Variants in POC5 observed in about 807,000 individuals in gnomAD.
POC5 encodes centrosomal protein POC5.
Under a neutral mutation model 62.9 loss-of-function variants are expected in POC5, and 48 were observed. The observed-to-expected ratio is 0.76, with a 90% CI of 0.61 to 0.97. POC5 has a LOEUF of 0.97. POC5 is among the 50% of genes least tolerant of loss of function. POC5 has a pLI of 0.00. For missense variants in POC5, 696 were observed against 679.5 expected, an observed-to-expected ratio of 1.02 and a Z score of -0.27; for synonymous variants, 236 against 228.2, an observed-to-expected ratio of 1.03 and a Z score of -0.31.
chr5:75,685,155 C>G lies in POC5; in HGVS notation c.1407+52G>C, dbSNP rs1020382757. The G allele has an allele frequency of 4.6e-5, 70 of 1,534,132 alleles. 1 individual carries two copies. The Middle Eastern group carries it at 8.8e-4, about 19-fold the overall frequency. On this transcript the variant is annotated intron_variant, in intron 10 of 11. Transcript: ENST00000428202. The stretch of plus-strand genomic sequence containing the variant: ...GTGCTGGGATTACAGGTGTGAGCCA[C>G]TGGGCCTGGCCGCCCTTTTCATAAG...
Position 75,677,885 on chromosome 5 carries a change from T to C in POC5, c.1473A>G (p.Thr491=). The C allele has an allele frequency of 6.2e-7, 1 of 1,611,744 alleles. No homozygotes were observed. Among genetic ancestry groups the C allele is most frequent in the Non-Finnish European group, 8.5e-7 (1 of 1,178,806 alleles). The change falls in exon 11 of 12, where the codon ACA becomes ACG. Residue 491 remains threonine (T), a synonymous_variant. Transcript: ENST00000428202. The part of the protein sequence containing the change: ...KAGRTITARI[T]GRCDFASKNR... ...TTTTTGAAGCAAAATCACATCTTCCTGTGATCCGGGCTGTAATAGTTCTTC... is the reference window on the plus strand; with the variant it reads ...TTTTTGAAGCAAAATCACATCTTCCCGTGATCCGGGCTGTAATAGTTCTTC...
chr5:75,678,846 G>C (rs780323017), intron 10 of POC5, among the ~76,000 whole-genome samples: 7 of 152,120 alleles, frequency 4.6e-5, no homozygotes, highest in African/African-American at 9.7e-5. Context: ...TAATACTCCA[G>C]AAAAATATTT....
chr5:75,686,232 A>C (rs992442334), intron 9 of POC5, among the ~76,000 whole-genome samples: 1 of 152,198 alleles, frequency 6.6e-6, no homozygotes, highest in African/African-American at 2.4e-5. Context: ...TTTTCGCTCC[A>C]GTATTATAAT....
At chr5:75,693,029 T>C (rs983090171) in intron 6 of POC5, among the ~76,000 whole-genome samples, 3 of 147,272 alleles carry the variant, frequency 2.0e-5, no homozygotes, top group Non-Finnish European at 4.5e-5. Context: ...TATATAACTA[T>C]ATATTATATA....
chr5:75,702,877 A>C, intron 4 of POC5, 67 bp from the exon 5 acceptor site: 2 of 1,280,202 alleles, frequency 1.6e-6, no homozygotes, highest in Middle Eastern at 1.9e-4. Flanking sequence ...AAGGAACCAT[A>C]CTGGAAGGCT....
intron 2 of POC5, among the ~76,000 whole-genome samples, chr5:75,708,960 G>A (rs1777233389): frequency 6.6e-6 from 1 of 152,090 alleles, no homozygotes; most frequent in Non-Finnish European, 1.5e-5. Flanking sequence ...AGCCTCCTGA[G>A]TATCTGGAAT....
intron 11 of POC5, chr5:75,677,482 C>T (rs991960519): frequency 1.7e-4 from 32 of 190,040 alleles, no homozygotes; most frequent in African/African-American, 6.9e-4. Context: ...ATATTTTACT[C>T]TTTTGACCAC....
intron 5 of POC5, among the ~76,000 whole-genome samples, chr5:75,702,352 A>T (rs1010507361): frequency 6.6e-6 from 1 of 152,122 alleles, no homozygotes; most frequent in Non-Finnish European, 1.5e-5. Context: ...CAAGAGTCAA[A>T]AAAAGAAAAA....
intron 5 of POC5, among the ~76,000 whole-genome samples, chr5:75,698,039 C>T (rs1776689552): frequency 6.9e-6 from 1 of 144,136 alleles, no homozygotes; most frequent in Admixed American, 7.0e-5. Context: ...ATATATGCAC[C>T]CAATACAAGA....
intron 3 of POC5, among the ~76,000 whole-genome samples, chr5:75,706,891 A>G (rs552221651): frequency 6.6e-6 from 1 of 152,232 alleles, no homozygotes; most frequent in Non-Finnish European, 1.5e-5. Context: ...TTGTTGTTCC[A>G]CTGCAACAGG....
At position 75,713,242 on chromosome 5, in the gene POC5, C is replaced by A. The variant is rs566732083; in HGVS notation, c.-14-291G>T. Among the ~76,000 whole-genome samples, 44 of 151,894 alleles carry A rather than the reference C, an allele frequency of 2.9e-4. 1 individual carries two copies. The South Asian group carries it at 9.2e-3, about 32-fold the overall frequency. On this transcript the variant is annotated intron_variant, in intron 1 of 11. Transcript: ENST00000428202. The stretch of plus-strand genomic sequence containing the variant: ...ATCACTGTTCTTGAGCAATGTGTGA[C>A]AACCTGGGTGCTGTGTACTTTCCTC...
At chr5:75,716,306 C>T (rs1188514871) in intron 1 of POC5, among the ~76,000 whole-genome samples, 2 of 138,678 alleles carry the variant, frequency 1.4e-5, no homozygotes, top group African/African-American at 5.5e-5. Context: ...TTCAAATCTA[C>T]CACTGTGATA....
chr5:75,675,620 T>G (rs1775621044), intron 11 of POC5, among the ~76,000 whole-genome samples: 2 of 152,220 alleles, frequency 1.3e-5, no homozygotes, highest in African/African-American at 4.8e-5. Context: ...TAAAAACGTT[T>G]ATTTGTACAT....
Position 75,674,386 on chromosome 5 carries a change from C to T in POC5, c.*49G>A, listed in dbSNP as rs761597522. 6.3e-7 allele frequency: 1 copy of T among 1,575,394 alleles called. No individual in the cohort carries two copies. On this transcript the variant is annotated 3_prime_UTR_variant, in exon 12 of 12. Coordinates refer to ENST00000428202, the MANE Select transcript of POC5 (RefSeq NM_001099271.2). ...AGTTAAAACCAAAAGACTTCTAACCCTTGGTAAGACCAGAGGGATTAAAAG... is the reference window on the plus strand; with the variant it reads ...AGTTAAAACCAAAAGACTTCTAACCTTTGGTAAGACCAGAGGGATTAAAAG...
At chr5:75,695,771 G>A (rs1326056939) in intron 5 of POC5, among the ~76,000 whole-genome samples, 14 of 152,156 alleles carry the variant, frequency 9.2e-5, no homozygotes, top group Non-Finnish European at 1.3e-4. Flanking sequence ...TGCAGAAGAC[G>A]GGTGATTTCT....
At chr5:75,715,839 A>T (rs1229919879) in intron 1 of POC5, among the ~76,000 whole-genome samples, 1 of 152,224 alleles carries the variant, frequency 6.6e-6, no homozygotes, top group Admixed American at 6.5e-5. Flanking sequence ...GGGCAAGAGA[A>T]GAACAGTCAG....
intron 11 of POC5, 61 bp downstream of exon 11, chr5:75,677,713 C>T: frequency 7.4e-7 from 1 of 1,353,784 alleles, no homozygotes; most frequent in Non-Finnish European, 9.8e-7. Context: ...TAAGTGTTTA[C>T]TAGTCTATGA....
chr5:75,689,132 T>C lies in POC5; in HGVS notation c.1009A>G (p.Ile337Val), dbSNP rs763742465. Residue 337 changes from isoleucine to valine, a missense_variant, in exon 9 of 12, where the codon ATT becomes GTT. Coordinates refer to ENST00000428202, the MANE Select transcript of POC5 (RefSeq NM_001099271.2). ...TCTTTTTCATGTTGCATTCTTTGAA[T>C]CTCAGCTTTTGCATTTTCCAAAGCT... ...SGALENAKAE[I>V]QRMQHEKEHF... The C allele has an allele frequency of 8.9e-6, 14 of 1,570,492 alleles. No individual in the cohort carries two copies. The highest frequency in any genetic ancestry group is 1.2e-5 in the Non-Finnish European group (14 of 1,157,344).
At chr5:75,701,047 A>G (rs1217549764) in intron 5 of POC5, among the ~76,000 whole-genome samples, 9 of 119,734 alleles carry the variant, frequency 7.5e-5, no homozygotes, top group African/African-American at 2.3e-4. Context: ...TTAGAATGGC[A>G]ATCATTAAAA....
Sources: gnomAD v4.1 joint callset for allele counts (sites outside exome capture counted in the v4.1 genomes callset) on GRCh38, gnomAD v4.1.1 for gene constraint, MANE v1.5 for transcripts, NCBI Gene and HGNC (gene_info 2026-07-23, HGNC 2026-07-21) for gene names.